ATP10A: variants seen among roughly 807,000 people sequenced by gnomAD.
ATP10A encodes the protein ATPase phospholipid transporting 10A (putative), also known as phospholipid-transporting ATPase VA.
Under a neutral mutation model 147.8 loss-of-function variants are expected in ATP10A, and 111 were observed. The ratio of observed to expected loss-of-function variants is 0.75; its 90% CI spans 0.64 to 0.88. The LOEUF is 0.88. ATP10A is among the 40% of genes least tolerant of loss of function. ATP10A has a pLI of 0.00. For missense variants in ATP10A, 1,927 were observed against 1,959.0 expected, an observed-to-expected ratio of 0.98 and a Z score of 0.31; for synonymous variants, 875 against 841.6, an observed-to-expected ratio of 1.04 and a Z score of -0.69.
At chr15:25,809,254 A>G (rs1339001331) in intron 1 of ATP10A, among the ~76,000 whole-genome samples, 3 of 152,250 alleles carry the variant, frequency 2.0e-5, no homozygotes, top group East Asian at 3.9e-4. Context: ...TGTCACATGA[A>G]GAGCCCATGA....
At chr15:25,859,463 G>A (rs1309999411) in intron 1 of ATP10A, among the ~76,000 whole-genome samples, 2 of 152,154 alleles carry the variant, frequency 1.3e-5, no homozygotes, top group Middle Eastern at 3.4e-3. Context: ...AGCCAGCACC[G>A]AGGTCCATAT....
intron 2 of ATP10A, among the ~76,000 whole-genome samples, chr15:25,766,567 G>A (rs1200372821): frequency 1.3e-5 from 2 of 151,708 alleles, no homozygotes; most frequent in African/African-American, 4.8e-5. Context: ...AAGAAGTGAG[G>A]AGGGCAGGAA....
chr15:25,853,664 G>A (rs760530838), intron 1 of ATP10A, among the ~76,000 whole-genome samples: 3 of 152,090 alleles, frequency 2.0e-5, no homozygotes, highest in Non-Finnish European at 4.4e-5. Flanking sequence ...TTGCAGGAAG[G>A]ATGGAACCTG....
At chr15:25,862,165 T>G in intron 1 of ATP10A, 1 of 429,986 alleles carries the variant, frequency 2.3e-6, no homozygotes, top group South Asian at 1.6e-5. Context: ...ATATCAGCAC[T>G]TGGCGGCAGT....
rs925471550 is a variant in ATP10A, at chr15:25,734,418, T to C, written c.740+1638A>G. Among the ~76,000 whole-genome samples the C allele has an allele frequency of 1.4e-4, 22 of 152,308 alleles. 1 individual carries two copies. In the East Asian group the frequency reaches 4.2e-3, roughly 29 times the overall value. Reference sequence around the variant, plus strand: ...GATACCACTGAACATTCTCCAGAGATTGCCCTCGCCCCACCCTTCACAATC... The same window carrying C: ...GATACCACTGAACATTCTCCAGAGACTGCCCTCGCCCCACCCTTCACAATC... On this transcript the variant is annotated intron_variant, in intron 3 of 20. Transcript: ENST00000555815.
At chr15:25,745,430 AAG>A (rs1325411630) in intron 2 of ATP10A, among the ~76,000 whole-genome samples, 4 of 152,048 alleles carry the variant, frequency 2.6e-5, no homozygotes, top group Non-Finnish European at 5.9e-5. Flanking sequence ...GTAGTGTTAA[AAG>A]AGAAGGAGGC....
At chr15:25,861,197 C>T (rs1008374740) in intron 1 of ATP10A, among the ~76,000 whole-genome samples, 5 of 152,086 alleles carry the variant, frequency 3.3e-5, no homozygotes, top group African/African-American at 7.2e-5. Flanking sequence ...GTTACGTGCA[C>T]GCTAATCTAA....
chr15:25,699,574 A>C (rs905690805), intron 13 of ATP10A, among the ~76,000 whole-genome samples: 44 of 152,224 alleles, frequency 2.9e-4, no homozygotes, highest in Non-Finnish European at 2.1e-4. Flanking sequence ...AATTTAAAAA[A>C]AATGACCAAT....
intron 1 of ATP10A, among the ~76,000 whole-genome samples, chr15:25,833,663 AT>A (rs1193212757): frequency 5.3e-5 from 8 of 152,098 alleles, no homozygotes; most frequent in African/African-American, 1.9e-4. Flanking sequence ...CATGGACTTA[AT>A]TTTTTTGTGC....
At chr15:25,814,445 C>G (rs1822749) in intron 1 of ATP10A, among the ~76,000 whole-genome samples, 147,163 of 152,316 alleles carry the variant, frequency 0.97, 71,336 homozygotes, top group East Asian at 1. Flanking sequence ...AGGAATGAAA[C>G]TCACCAGAAA....
intron 2 of ATP10A, among the ~76,000 whole-genome samples, chr15:25,759,149 A>T (rs1253942953): frequency 6.6e-6 from 1 of 152,200 alleles, no homozygotes; most frequent in Admixed American, 6.5e-5. Context: ...GCACCCTTCT[A>T]TATAGAAGTA....
At chr15:25,750,704 TATGATGATGATGATGATG>T (rs56087263) in intron 2 of ATP10A, among the ~76,000 whole-genome samples, 28 of 150,996 alleles carry the variant, frequency 1.9e-4, no homozygotes, top group African/African-American at 6.3e-4. Context: ...AACATATATA[TATGATGATGATGATGATG>T]ATGATGATGA....
Position 25,694,944 on chromosome 15 carries a change from T to C in ATP10A, c.2963A>G (p.Glu988Gly), listed in dbSNP as rs745415850. 1 of 1,614,198 alleles carries C rather than the reference T, an allele frequency of 6.2e-7. No homozygotes were observed. The highest frequency in any genetic ancestry group is 1.1e-5 in the South Asian group (1 of 91,078). ...SLAYALEKNL[E>G]DKFLFLAKQC... ...CTTGGCAAGGAAGAGGAATTTGTCC[T>C]CCAGGTTTTTCTCGAGAGCGTAGGC... Residue 988 changes from glutamate (E) to glycine (G), a missense_variant, in exon 14 of 21, where the codon GAG becomes GGG. Glu to Gly is a moderately conservative substitution (Grantham distance 98). Coordinates refer to ENST00000555815, the MANE Select transcript of ATP10A (RefSeq NM_024490.4).
chr15:25,730,301 C>CAAAAAAAAAA (rs763070472), intron 3 of ATP10A, among the ~76,000 whole-genome samples: 50 of 9,122 alleles, frequency 5.5e-3, no homozygotes, highest in African/African-American at 9.7e-3. Flanking sequence ...GACTCTGTCT[C>CAAAAAAAAAA]AAAAAAAAAA....
At chr15:25,802,969 G>T (rs1174305753) in intron 1 of ATP10A, among the ~76,000 whole-genome samples, 1 of 152,204 alleles carries the variant, frequency 6.6e-6, no homozygotes, top group African/African-American at 2.4e-5. Flanking sequence ...TTTTACATAT[G>T]AGGGTGTGGC....
intron 3 of ATP10A, among the ~76,000 whole-genome samples, chr15:25,731,662 G>A (rs545523789): frequency 6.6e-6 from 1 of 152,284 alleles, no homozygotes; most frequent in African/African-American, 2.4e-5. Flanking sequence ...GGAACAGCTG[G>A]AGAAGGTGGG....
chr15:25,681,378 CA>C (rs1899400453), intron 17 of ATP10A, among the ~76,000 whole-genome samples: 2 of 152,202 alleles, frequency 1.3e-5, no homozygotes, highest in Non-Finnish European at 2.9e-5. Flanking sequence ...AAGAGCATCT[CA>C]AAACGATCAT....
Position 25,721,722 on chromosome 15 carries a change from G to A in ATP10A, c.1298C>T (p.Thr433Ile). 6.2e-7 allele frequency: 1 copy of A among 1,614,110 alleles called. No homozygotes were observed. Among genetic ancestry groups the A allele is most frequent in the Non-Finnish European group, 8.5e-7 (1 of 1,180,010 alleles). Reference protein sequence around the residue: ...YIFSDKTGTLTENKMVFRRCT... With the variant: ...YIFSDKTGTLIENKMVFRRCT... ...TCTTCGGAAAACCATCTTATTCTCT[G>A]TCAAAGTGCCAGTTTTATCTGAGAA... The change falls in exon 7 of 21, where the codon ACA (threonine) becomes ATA (isoleucine). Residue 433 changes from threonine to isoleucine, a missense_variant. Physicochemically the swap from Thr to Ile is moderately conservative, Grantham distance 89 (BLOSUM62 -1). Coordinates refer to ENST00000555815, the MANE Select transcript of ATP10A (RefSeq NM_024490.4).
Position 25,713,815 on chromosome 15 carries a change from C to G in ATP10A, c.2203G>C (p.Glu735Gln), listed in dbSNP as rs375321158. 5.6e-6 allele frequency: 9 copies of G among 1,613,910 alleles called. No individual in the cohort carries two copies. In the South Asian group the frequency reaches 7.7e-5, roughly 14 times the overall value. Residue 735 changes from glutamate to glutamine, a missense_variant, in exon 10 of 21, where the codon GAG becomes CAG. By Grantham distance (29) the Glu-to-Gln change is conservative. Transcript: ENST00000555815. ...TCGAAACCCAGTGTGTGCAGGAGCT[C>G]GAAGGTGAGCCTGCCCAGGTGGGGC... The part of the protein sequence containing the change: ...ELPHLGRLTF[E>Q]LLHTLGFDSV...
Sources: gnomAD v4.1 joint callset for allele counts (sites outside exome capture counted in the v4.1 genomes callset) on GRCh38, gnomAD v4.1.1 for gene constraint, MANE v1.5 for transcripts, NCBI Gene and HGNC (gene_info 2026-07-23, HGNC 2026-07-21) for gene names.